SEMA4B: variants seen among roughly 807,000 people sequenced by gnomAD.
The protein encoded by SEMA4B is semaphorin-4B.
In SEMA4B, 55 loss-of-function variants were observed where a neutral mutation model predicts 88.1. The observed-to-expected ratio is 0.62, with a 90% CI of 0.50 to 0.78. SEMA4B has a LOEUF of 0.78. Ranked by LOEUF, SEMA4B falls within the 30% of genes least tolerant of loss-of-function variation. The pLI, the probability that SEMA4B is intolerant of heterozygous loss-of-function variation, is 0.00. For missense variants in SEMA4B, 1,062 were observed against 1,111.9 expected (o/e 0.96, Z 0.64); for synonymous variants, 525 against 473.6 (o/e 1.11, Z -1.41).
chr15:90,220,658 C>T (rs961754172), intron 4 of SEMA4B, among the ~76,000 whole-genome samples: 6 of 152,032 alleles, frequency 3.9e-5, no homozygotes, highest in Admixed American at 6.6e-5. Context: ...TGTGAGCCAC[C>T]GCGCCCGGCC....
Position 90,219,783 on chromosome 15 carries a change from T to G in SEMA4B, c.385-10T>G, listed in dbSNP as rs1292919869. On this transcript the variant is annotated splice_polypyrimidine_tract_variant and intron_variant, in intron 3 of 13. Coordinates refer to ENST00000411539, the MANE Select transcript of SEMA4B (RefSeq NM_198925.4). ...CGTGGGACTGATATCCCCTCGCTCCTTCCCCCCAGCGCGACTGTCAAAACT... is the reference window on the plus strand; with the variant it reads ...CGTGGGACTGATATCCCCTCGCTCCGTCCCCCCAGCGCGACTGTCAAAACT... 2 of 1,610,564 alleles carry G rather than the reference T, an allele frequency of 1.2e-6. No individual in the cohort carries two copies. The highest frequency in any genetic ancestry group is 1.7e-5 in the Admixed American group (1 of 59,712).
chr15:90,207,385 G>A (rs572851383), intron 1 of SEMA4B, among the ~76,000 whole-genome samples: 4 of 152,158 alleles, frequency 2.6e-5, no homozygotes, highest in East Asian at 3.9e-4. Context: ...TAGCCAACTC[G>A]TGTCCTCTTT....
chr15:90,201,550 C>G lies in SEMA4B; in HGVS notation c.-29C>G, dbSNP rs1192485549. 6 of 1,432,182 alleles carry G rather than the reference C, an allele frequency of 4.2e-6. No homozygotes were observed. The highest frequency in any genetic ancestry group is 3.6e-6 in the Non-Finnish European group (4 of 1,097,148). The allele number at this position is 1,432,182 out of a possible 1,614,324, so 88.7% of individuals were successfully genotyped here. A position where few individuals can be genotyped will look rare whatever the true frequency, so the allele number is the denominator to read the frequency against. On this transcript the variant is annotated 5_prime_UTR_variant, in exon 1 of 14. Coordinates refer to ENST00000411539, the MANE Select transcript of SEMA4B (RefSeq NM_198925.4). ...CCGGCCGAGCCACCTGAGCCCGAGC[C>G]GCGGGACACCGTCGCTCCTGCTCTC... is the stretch of plus-strand genomic sequence containing the variant.
chr15:90,219,788 C>T lies in SEMA4B; in HGVS notation c.385-5C>T. On this transcript the variant is annotated splice_polypyrimidine_tract_variant and splice_region_variant and intron_variant, in intron 3 of 13. Transcript: ENST00000411539. Reference sequence around the variant, plus strand: ...GACTGATATCCCCTCGCTCCTTCCCCCCAGCGCGACTGTCAAAACTACATC... The same window carrying T: ...GACTGATATCCCCTCGCTCCTTCCCTCCAGCGCGACTGTCAAAACTACATC... 6.2e-7 allele frequency: 1 copy of T among 1,611,950 alleles called. No individual in the cohort carries two copies. Among genetic ancestry groups the T allele is most frequent in the Non-Finnish European group, 8.5e-7 (1 of 1,178,814 alleles).
Position 90,223,986 on chromosome 15 carries a change from G to T in SEMA4B, c.1192G>T (p.Ala398Ser). 6.2e-7 allele frequency: 1 copy of T among 1,612,276 alleles called. No homozygotes were observed. Among genetic ancestry groups the T allele is most frequent in the African/African-American group, 1.3e-5 (1 of 75,042 alleles). ...CCCGGTGCCCACACCCCGGCCTGGA[G>T]CGGTGGGTACTGGCTCCCTGCACCC... is the stretch of plus-strand genomic sequence containing the variant. ...THPVPTPRPG[A>S]CITNSARERK... is the part of the protein sequence containing the mutation. The change falls in exon 9 of 14, where the codon GCG becomes TCG. Residue 398 changes from alanine (A) to serine (S), a missense_variant and splice_region_variant. Physicochemically the swap from Ala to Ser is moderately conservative, Grantham distance 99. Transcript: ENST00000411539.
At chr15:90,216,830 C>T (rs1185163154) in intron 1 of SEMA4B, among the ~76,000 whole-genome samples, 1 of 151,260 alleles carries the variant, frequency 6.6e-6, no homozygotes. Context: ...GGCAACAGAG[C>T]GAGACTTCGT....
At chr15:90,213,756 A>T (rs967222911) in intron 1 of SEMA4B, among the ~76,000 whole-genome samples, 1 of 152,258 alleles carries the variant, frequency 6.6e-6, no homozygotes. Context: ...CAACCAGCTT[A>T]TCTGAACCAG....
At chr15:90,219,541 C>T in intron 3 of SEMA4B, 3 of 487,662 alleles carry the variant, frequency 6.2e-6, no homozygotes, top group Admixed American at 4.0e-5. Context: ...TCTGTGCCCT[C>T]ACCCCTAGGC....
Position 90,228,383 on chromosome 15 carries a change from G to C in SEMA4B, c.2254G>C (p.Glu752Gln). 6.3e-7 allele frequency: 1 copy of C among 1,599,284 alleles called. No individual in the cohort carries two copies. The change falls in exon 14 of 14, where the codon GAA (glutamate) becomes CAA (glutamine). Residue 752 changes from glutamate to glutamine, a missense_variant. Glu to Gln is a conservative substitution (Grantham distance 29). Transcript: ENST00000411539. ...NSMKVFLKQG[E>Q]CASVHPKTCP... ...CATGAAAGTCTTCCTGAAGCAGGGG[G>C]AATGTGCCAGCGTGCACCCCAAGAC... is the stretch of plus-strand genomic sequence containing the variant.
intron 1 of SEMA4B, among the ~76,000 whole-genome samples, chr15:90,194,902 C>T (rs1960454869): frequency 6.6e-6 from 1 of 152,154 alleles, no homozygotes; most frequent in Non-Finnish European, 1.5e-5. Context: ...GACATTTCAA[C>T]TGTAAAGCTT....
chr15:90,193,282 T>C (rs1198133774), intron 1 of SEMA4B: 15 of 152,356 alleles, frequency 9.8e-5, no homozygotes, highest in Admixed American at 8.5e-4. Context: ...TCTCTGTCAG[T>C]GTCCTCGTGT....
chr15:90,227,879 T>G (rs1480970936), intron 13 of SEMA4B, 25 bp from the exon 14 acceptor site: 14 of 1,606,688 alleles, frequency 8.7e-6, no homozygotes, highest in Non-Finnish European at 1.1e-5. Context: ...GGCACCCCCC[T>G]ACCCCATGCC....
chr15:90,188,531 A>G (rs879669976), intron 1 of SEMA4B, among the ~76,000 whole-genome samples: 11 of 151,696 alleles, frequency 7.3e-5, no homozygotes, highest in East Asian at 2.0e-4. Flanking sequence ...GGGAGGCTGA[A>G]GCAGGAGAGT....
chr15:90,206,616 C>T, intron 1 of SEMA4B: 1 of 609,718 alleles, frequency 1.6e-6, no homozygotes, highest in Non-Finnish European at 3.0e-6. Flanking sequence ...GACATTAATG[C>T]TGCTTTACAA....
intron 1 of SEMA4B, among the ~76,000 whole-genome samples, chr15:90,209,388 T>TAA (rs59511944): frequency 6.8e-5 from 10 of 146,310 alleles, no homozygotes; most frequent in African/African-American, 1.8e-4. Context: ...CCATCTCTAC[T>TAA]AAAAAAATAT....
intron 12 of SEMA4B, among the ~76,000 whole-genome samples, chr15:90,227,037 A>T (rs377748108): frequency 1.3e-5 from 2 of 152,064 alleles, no homozygotes; most frequent in East Asian, 3.8e-4. Flanking sequence ...CTGAGGGTAC[A>T]TACTATTTTT....
intron 12 of SEMA4B, chr15:90,227,114 G>C (rs1026567994): frequency 1.7e-5 from 3 of 179,472 alleles, no homozygotes; most frequent in Middle Eastern, 5.8e-3. Context: ...TGTGATTACA[G>C]CTCACTGCAG....
At chr15:90,189,013 A>G (rs1596113239) in intron 1 of SEMA4B, among the ~76,000 whole-genome samples, 1 of 152,182 alleles carries the variant, frequency 6.6e-6, no homozygotes, top group African/African-American at 2.4e-5. Context: ...ATCCTGATAA[A>G]CTAAGCTCTG....
intron 1 of SEMA4B, among the ~76,000 whole-genome samples, chr15:90,187,825 T>G (rs1960209249): frequency 1.3e-5 from 2 of 151,558 alleles, no homozygotes; most frequent in Non-Finnish European, 2.9e-5. Context: ...ACCAATATGG[T>G]GAAATCTTGT....
Sources: allele counts gnomAD v4.1 joint callset (sites outside exome capture counted in the v4.1 genomes callset), GRCh38; gene constraint gnomAD v4.1.1; transcripts MANE v1.5; gene names NCBI Gene and HGNC (gene_info 2026-07-23, HGNC 2026-07-21).